Variants in COL11A1 observed in about 807,000 individuals in gnomAD.
COL11A1 encodes the protein collagen type XI alpha 1 chain, also known as collagen alpha-1(XI) chain.
In COL11A1, 74 loss-of-function variants were observed where a neutral mutation model predicts 265.2. The observed-to-expected ratio is 0.28, with a 90% CI of 0.23 to 0.34. The LOEUF is 0.34. Ranked by LOEUF, COL11A1 falls within the 10% of genes least tolerant of loss-of-function variation. The pLI is 1.00. For missense variants in COL11A1, 2,165 were observed against 2,263.6 expected (o/e 0.96, Z 0.88); for synonymous variants, 816 against 727.6 (o/e 1.12, Z -1.96).
At chr1:103,024,736 C>A (rs1348857621) in intron 7 of COL11A1, among the ~76,000 whole-genome samples, 1 of 152,036 alleles carries the variant, frequency 6.6e-6, no homozygotes, top group South Asian at 2.1e-4. Flanking sequence ...TTATTATTCA[C>A]AATTTTGTGT....
intron 4 of COL11A1, among the ~76,000 whole-genome samples, chr1:103,066,711 T>G (rs1261619469): frequency 3.3e-5 from 5 of 151,976 alleles, no homozygotes; most frequent in Non-Finnish European, 7.4e-5. Flanking sequence ...GTAAATTATG[T>G]TATTAGTTTC....
intron 4 of COL11A1, among the ~76,000 whole-genome samples, chr1:103,039,783 G>A (rs555228765): frequency 6.6e-6 from 1 of 151,500 alleles, no homozygotes; most frequent in Non-Finnish European, 1.5e-5. Flanking sequence ...CTTTGTAACA[G>A]AGCAAAGGTC....
chr1:102,908,374 G>T (rs1172167916), intron 54 of COL11A1, among the ~76,000 whole-genome samples: 2 of 151,912 alleles, frequency 1.3e-5, no homozygotes, highest in African/African-American at 4.8e-5. Context: ...GGATAAATAG[G>T]AAATTTCAAT....
At chr1:102,974,727 T>C (rs1662298715) in intron 36 of COL11A1, 103 bp downstream of exon 36, 1 of 849,538 alleles carries the variant, frequency 1.2e-6, no homozygotes, top group South Asian at 1.6e-5. Context: ...TTTACAGAGA[T>C]TTTATCAATA....
At chr1:103,062,843 A>G (rs973387652) in intron 4 of COL11A1, among the ~76,000 whole-genome samples, 2 of 151,974 alleles carry the variant, frequency 1.3e-5, no homozygotes, top group Non-Finnish European at 2.9e-5. Flanking sequence ...CTAGGTAAAA[A>G]ATCCAAAATA....
intron 1 of COL11A1, among the ~76,000 whole-genome samples, chr1:103,088,561 TAAAG>T (rs1382628154): frequency 1.3e-5 from 2 of 152,220 alleles, no homozygotes; most frequent in Non-Finnish European, 2.9e-5. Context: ...TCAGCTTTCA[TAAAG>T]AAAGTTTTTA....
Position 102,962,275 on chromosome 1 carries a change from A to G in COL11A1, c.3025-10T>C. 7 of 1,592,724 alleles carry G rather than the reference A, an allele frequency of 4.4e-6. No homozygotes were observed. Among genetic ancestry groups the G allele is most frequent in the African/African-American group, 1.3e-5 (1 of 74,538 alleles). The stretch of plus-strand genomic sequence containing the variant: ...GAGGACCTGGATCACCCTAAAGAAT[A>G]TAATAAACATCGTCAAGACAGATTA... On this transcript the variant is annotated splice_polypyrimidine_tract_variant and intron_variant, in intron 39 of 66. Transcript: ENST00000370096.
chr1:102,968,920 C>A (rs1570900494), intron 37 of COL11A1, among the ~76,000 whole-genome samples: 1 of 152,116 alleles, frequency 6.6e-6, no homozygotes, highest in South Asian at 2.1e-4. Flanking sequence ...CTCTGGGTAT[C>A]CTTTCCCCAC....
At chr1:102,923,983 C>T (rs762184879) in intron 46 of COL11A1, among the ~76,000 whole-genome samples, 8 of 149,044 alleles carry the variant, frequency 5.4e-5, no homozygotes, top group Non-Finnish European at 1.0e-4. Context: ...CTGAGGCGGG[C>T]GGATCACGAG....
Position 103,008,444 on chromosome 1 carries a change from T to C in COL11A1, c.1683+19A>G. 1 of 1,609,964 alleles carries C rather than the reference T, an allele frequency of 6.2e-7. No individual in the cohort carries two copies. Among genetic ancestry groups the C allele is most frequent in the Non-Finnish European group, 8.5e-7 (1 of 1,176,542 alleles). On this transcript the variant is annotated intron_variant, in intron 15 of 66. Transcript: ENST00000370096. ...AAAGAAGCCAGTCAAGAATAAAAAGTCAAATTTTTATTTTTTACCTGAGGA... is the reference window on the plus strand; with the variant it reads ...AAAGAAGCCAGTCAAGAATAAAAAGCCAAATTTTTATTTTTTACCTGAGGA...
intron 4 of COL11A1, among the ~76,000 whole-genome samples, chr1:103,038,308 T>TA (rs1668535184): frequency 1.3e-5 from 2 of 151,828 alleles, no homozygotes; most frequent in Non-Finnish European, 2.9e-5. Context: ...ACCAAAAAAA[T>TA]ACGAAAGTTA....
At position 103,082,792 on chromosome 1, in the gene COL11A1, A is replaced by G. The variant is rs778490820; in HGVS notation, c.274+13T>C. The G allele has an allele frequency of 4.4e-6, 7 of 1,604,456 alleles. No individual in the cohort carries two copies. The Admixed American group carries it at 1.2e-4, about 27-fold the overall frequency. On this transcript the variant is annotated intron_variant, in intron 2 of 66. Coordinates refer to ENST00000370096, the MANE Select transcript of COL11A1 (RefSeq NM_001854.4). Reference sequence around the variant, plus strand: ...TAGTAATAATAACAATAATAATAATAAAGTGAATATACCTGGAAATAACTG... The same window carrying G: ...TAGTAATAATAACAATAATAATAATGAAGTGAATATACCTGGAAATAACTG...
intron 4 of COL11A1, among the ~76,000 whole-genome samples, chr1:103,072,242 T>G (rs1254798005): frequency 6.6e-6 from 1 of 151,956 alleles, no homozygotes. Context: ...TAAAAAGTCA[T>G]TAGATTGAAA....
chr1:102,882,593 G>C (rs962436752), intron 64 of COL11A1, among the ~76,000 whole-genome samples: 10 of 152,056 alleles, frequency 6.6e-5, no homozygotes, highest in African/African-American at 2.4e-4. Context: ...GGAAGAATGA[G>C]ATTTATTACA....
intron 41 of COL11A1, among the ~76,000 whole-genome samples, chr1:102,955,439 G>A (rs946951582): frequency 6.6e-6 from 1 of 152,120 alleles, no homozygotes; most frequent in Non-Finnish European, 1.5e-5. Flanking sequence ...TGAAATATTG[G>A]ACATATATTC....
chr1:102,910,454 G>T (rs1654518784), intron 54 of COL11A1, among the ~76,000 whole-genome samples: 1 of 152,100 alleles, frequency 6.6e-6, no homozygotes, highest in Admixed American at 6.6e-5. Context: ...GTAATGAAAT[G>T]AGCTGAGAAG....
chr1:102,893,897 T>G (rs74108041), intron 57 of COL11A1, among the ~76,000 whole-genome samples: 3,449 of 152,262 alleles, frequency 0.023, 129 homozygotes, highest in African/African-American at 0.079. Context: ...ATTAAAGAAA[T>G]AAACTCTAAT....
chr1:102,932,423 ACT>A (rs1199115788), intron 46 of COL11A1, among the ~76,000 whole-genome samples: 1 of 151,188 alleles, frequency 6.6e-6, no homozygotes, highest in African/African-American at 2.4e-5. Flanking sequence ...ATTGGCCCCC[ACT>A]CTCTTCTGGC....
chr1:103,049,245 T>C lies in COL11A1; in HGVS notation c.652-18001A>G, dbSNP rs1458380302. On this transcript the variant is annotated intron_variant, in intron 4 of 66. Coordinates refer to ENST00000370096, the MANE Select transcript of COL11A1 (RefSeq NM_001854.4). Reference sequence around the variant, plus strand: ...TTGTGTGGGAGTCTAAGTCTCTTTGTAGGTCACTAAGGACTTCCTTTATGA... The same window carrying C: ...TTGTGTGGGAGTCTAAGTCTCTTTGCAGGTCACTAAGGACTTCCTTTATGA... Among the ~76,000 whole-genome samples the C allele has an allele frequency of 3.3e-5, 5 of 152,204 alleles. No individual in the cohort carries two copies. In the South Asian group the frequency reaches 1.0e-3, roughly 32 times the overall value.
Sources: allele counts gnomAD v4.1 joint callset (sites outside exome capture counted in the v4.1 genomes callset), GRCh38; gene constraint gnomAD v4.1.1; transcripts MANE v1.5; gene names NCBI Gene and HGNC (gene_info 2026-07-23, HGNC 2026-07-21).